The following NOL4 variants were observed in gnomAD, a reference collection of about 807,000 sequenced individuals.
NOL4 encodes nucleolar protein 4, also known as cancer/testis antigen 125.
Under a neutral mutation model 75.9 loss-of-function variants are expected in NOL4, and 17 were observed. The ratio of observed to expected loss-of-function variants is 0.22; its 90% CI spans 0.15 to 0.34. The LOEUF is 0.34. NOL4 is among the 10% of genes least tolerant of loss of function. NOL4 has a pLI of 1.00. For synonymous variants in NOL4, 292 were observed against 289.9 expected, an observed-to-expected ratio of 1.01 and a Z score of -0.07; for missense variants, 614 against 793.5, an observed-to-expected ratio of 0.77 and a Z score of 2.72.
intron 5 of NOL4, among the ~76,000 whole-genome samples, chr18:34,046,607 C>CATCTATAT (rs2076377054): frequency 1.2e-5 from 1 of 81,658 alleles, no homozygotes; most frequent in Non-Finnish European, 2.4e-5. Context: ...TTTACTTATA[C>CATCTATAT]ATATATATAT....
At position 33,883,398 on chromosome 18, in the gene NOL4, C is replaced by G; in HGVS notation, c.1569G>C (p.Gln523His). 2 of 1,610,192 alleles carry G rather than the reference C, an allele frequency of 1.2e-6. No homozygotes were observed. Among genetic ancestry groups the G allele is most frequent in the South Asian group, 2.2e-5 (2 of 90,450 alleles). ...TGGCCTGGGTCGCCTCTGGTTTACACTGTTTGTCAGCTGGAGCAGACTCAT... is the reference window on the plus strand; with the variant it reads ...TGGCCTGGGTCGCCTCTGGTTTACAGTGTTTGTCAGCTGGAGCAGACTCAT... ...QQDESAPADK[Q>H]CKPEATQATY... The change falls in exon 10 of 11, where the codon CAG (glutamine) becomes CAC (histidine). Residue 523 changes from glutamine to histidine, a missense_variant. Gln to His is a conservative substitution (Grantham distance 24, BLOSUM62 0). Around this residue, in one of 9 missense-constraint regions of NOL4, gnomAD observed 128 missense variants for 159.9 expected, o/e 0.80. Coordinates refer to ENST00000261592, the MANE Select transcript of NOL4 (RefSeq NM_003787.5).
chr18:34,181,593 T>A (rs867299736), intron 1 of NOL4, among the ~76,000 whole-genome samples: 1 of 151,452 alleles, frequency 6.6e-6, no homozygotes, highest in African/African-American at 2.4e-5. Context: ...AATTAAAAAC[T>A]TTTGCATATA....
rs141799534 is a variant in NOL4, at chr18:33,957,606, T to C, written c.1237-89A>G. 7 of 1,055,102 alleles carry C rather than the reference T, an allele frequency of 6.6e-6. No homozygotes were observed. In the African/African-American group the frequency reaches 9.6e-5, roughly 14 times the overall value. The allele number at this position is 1,055,102 out of a possible 1,614,324, so 65.4% of individuals were successfully genotyped here. A position where few individuals can be genotyped will look rare whatever the true frequency, so the allele number is the denominator to read the frequency against. On this transcript the variant is annotated intron_variant, in intron 7 of 10. Transcript: ENST00000261592. The stretch of plus-strand genomic sequence containing the variant: ...CCTGTCTTGATTACCGATAGGAAAA[T>C]ACTGTTTTCTGGTTTATGCACTGGA...
intron 10 of NOL4, among the ~76,000 whole-genome samples, chr18:33,858,606 T>C (rs2062942135): frequency 1.3e-5 from 2 of 152,044 alleles, no homozygotes; most frequent in Non-Finnish European, 2.9e-5. Flanking sequence ...TTCATTTATA[T>C]TCACAAGTCT....
intron 6 of NOL4, among the ~76,000 whole-genome samples, chr18:34,001,160 G>C (rs1283352210): frequency 6.6e-6 from 1 of 152,114 alleles, no homozygotes; most frequent in Admixed American, 6.6e-5. Context: ...CTATATGATA[G>C]ATGGTTCAGA....
chr18:34,122,904 G>A (rs1391039246), intron 2 of NOL4, among the ~76,000 whole-genome samples: 1 of 151,962 alleles, frequency 6.6e-6, no homozygotes, highest in African/African-American at 2.4e-5. Context: ...GCATTAACCA[G>A]CTACTTTTTA....
chr18:33,897,926 C>T (rs555131365), intron 9 of NOL4, among the ~76,000 whole-genome samples: 343 of 151,912 alleles, frequency 2.3e-3, no homozygotes, highest in African/African-American at 7.8e-3. Context: ...TTTAAAATAA[C>T]TTTTTGAGAC....
Position 33,852,627 on chromosome 18 carries a change from G to A in NOL4, c.*215C>T. ...GACACACTAAAACAAAAAGCAATAG[G>A]CTGGACATACTAAAGTAGCTCAAGT... On this transcript the variant is annotated 3_prime_UTR_variant, in exon 11 of 11. Coordinates refer to ENST00000261592, the MANE Select transcript of NOL4 (RefSeq NM_003787.5). 4.3e-6 allele frequency: 2 copies of A among 465,712 alleles called. No individual in the cohort carries two copies. Among genetic ancestry groups the A allele is most frequent in the Non-Finnish European group, 7.6e-6 (2 of 262,130 alleles). 28.8% of individuals were successfully genotyped at this position (465,712 alleles called of 1,614,324 possible).
intron 5 of NOL4, among the ~76,000 whole-genome samples, chr18:34,089,625 A>T (rs1421404477): frequency 2.0e-5 from 3 of 152,244 alleles, no homozygotes; most frequent in Admixed American, 6.5e-5. Context: ...AACTATTCTG[A>T]GATTGCAGAA....
At chr18:34,037,158 A>G (rs1024083320) in intron 5 of NOL4, among the ~76,000 whole-genome samples, 4 of 152,198 alleles carry the variant, frequency 2.6e-5, no homozygotes, top group Admixed American at 1.3e-4. Flanking sequence ...TGAAATCAAG[A>G]AGGCAATTCC....
At chr18:33,952,330 C>T (rs1321867957) in intron 8 of NOL4, among the ~76,000 whole-genome samples, 1 of 152,038 alleles carries the variant, frequency 6.6e-6, no homozygotes, top group African/African-American at 2.4e-5. Flanking sequence ...ACCCATAATT[C>T]CTGTGTCATA....
intron 5 of NOL4, among the ~76,000 whole-genome samples, chr18:34,078,948 C>T (rs1260345084): frequency 6.6e-6 from 1 of 152,154 alleles, no homozygotes; most frequent in African/African-American, 2.4e-5. Flanking sequence ...GTAGGACTGG[C>T]ATAAATTCAC....
At chr18:34,071,574 A>G (rs1011468559) in intron 5 of NOL4, among the ~76,000 whole-genome samples, 31 of 152,060 alleles carry the variant, frequency 2.0e-4, no homozygotes, top group African/African-American at 7.5e-4. Flanking sequence ...TATCTATACG[A>G]CCATTCTGTT....
intron 5 of NOL4, among the ~76,000 whole-genome samples, chr18:34,084,393 G>T (rs2078153521): frequency 6.6e-6 from 1 of 152,164 alleles, no homozygotes; most frequent in Non-Finnish European, 1.5e-5. Flanking sequence ...GGGAGGCCCC[G>T]CCCGTCGAGG....
intron 5 of NOL4, among the ~76,000 whole-genome samples, chr18:34,058,492 T>C (rs1316273689): frequency 2.0e-5 from 3 of 152,174 alleles, no homozygotes; most frequent in Admixed American, 2.0e-4. Flanking sequence ...GAGGCCTTTA[T>C]CTTTCTAAAA....
At chr18:33,961,308 G>A (rs2070107101) in intron 6 of NOL4, among the ~76,000 whole-genome samples, 1 of 152,042 alleles carries the variant, frequency 6.6e-6, no homozygotes, top group East Asian at 1.9e-4. Flanking sequence ...TCTTCACAGT[G>A]TGTGTGTAGG....
chr18:34,161,523 G>C (rs138299463), intron 1 of NOL4, among the ~76,000 whole-genome samples: 2,945 of 152,076 alleles, frequency 0.019, 36 homozygotes, highest in Admixed American at 0.037. Context: ...TTGTCTTTTT[G>C]ATAATAGCCA....
At position 34,133,642 on chromosome 18, in the gene NOL4, C is replaced by A. The variant is rs930748946; in HGVS notation, c.265-3622G>T. 2.0e-5 allele frequency among the ~76,000 whole-genome samples: 3 copies of A among 151,932 alleles called. No individual in the cohort carries two copies. The South Asian group carries it at 6.2e-4, about 32-fold the overall frequency. On this transcript the variant is annotated intron_variant, in intron 1 of 10. Coordinates refer to ENST00000261592, the MANE Select transcript of NOL4 (RefSeq NM_003787.5). ...CAATAACAGAGAAAAGGGGCAGAAA[C>A]AAAGGTGTATTGGAGTTTGGAGTAA...
chr18:33,888,722 T>C (rs1354146458), intron 9 of NOL4, among the ~76,000 whole-genome samples: 3 of 152,096 alleles, frequency 2.0e-5, no homozygotes, highest in African/African-American at 7.2e-5. Flanking sequence ...AAAGATCAGA[T>C]GGTTGTAGAT....
Sources: gnomAD v4.1 joint callset for allele counts (sites outside exome capture counted in the v4.1 genomes callset) on GRCh38, gnomAD v4.1.1 for gene constraint, gnomAD v4.1.1 regional missense constraint, MANE v1.5 for transcripts, NCBI Gene and HGNC (gene_info 2026-07-23, HGNC 2026-07-21) for gene names.